Variants in TRAPPC9 observed in about 807,000 individuals in gnomAD.
The protein encoded by TRAPPC9 is trafficking protein particle complex subunit 9.
TRAPPC9 carries 83 observed loss-of-function variants against 124.0 expected under a neutral mutation model. The ratio of observed to expected loss-of-function variants is 0.67; its 90% CI spans 0.56 to 0.80. The LOEUF is 0.80. Ranked by LOEUF, TRAPPC9 falls within the 30% of genes least tolerant of loss-of-function variation. The probability of loss-of-function intolerance (pLI) is 0.00; values close to 1 mark genes in which losing one functional copy is unlikely to be tolerated. For missense variants in TRAPPC9, 1,302 were observed against 1,508.3 expected, an observed-to-expected ratio of 0.86 and a Z score of 2.27; for synonymous variants, 638 against 617.5, an observed-to-expected ratio of 1.03 and a Z score of -0.49.
intron 20 of TRAPPC9, among the ~76,000 whole-genome samples, chr8:139,902,996 G>A (rs1417894270): frequency 1.3e-5 from 2 of 152,202 alleles, no homozygotes; most frequent in Non-Finnish European, 2.9e-5. Flanking sequence ...CCACTGTGGA[G>A]CCTCTTCACT....
At chr8:139,891,827 C>T (rs1260519862) in intron 20 of TRAPPC9, among the ~76,000 whole-genome samples, 3 of 152,324 alleles carry the variant, frequency 2.0e-5, no homozygotes, top group East Asian at 3.9e-4. Context: ...GCAGCTTACA[C>T]GTGCTCAGCG....
intron 18 of TRAPPC9, among the ~76,000 whole-genome samples, chr8:140,023,367 C>T (rs1365354360): frequency 6.6e-6 from 1 of 152,214 alleles, no homozygotes; most frequent in Non-Finnish European, 1.5e-5. Flanking sequence ...CTCTGGGTTT[C>T]AAGTGTACAA....
intron 11 of TRAPPC9, among the ~76,000 whole-genome samples, chr8:140,296,635 G>C (rs2065811096): frequency 6.6e-6 from 1 of 152,220 alleles, no homozygotes; most frequent in African/African-American, 2.4e-5. Context: ...CAGTGGCACA[G>C]GGCCCTGTGC....
chr8:139,988,810 T>C lies in TRAPPC9; in HGVS notation c.2726A>G (p.Asp909Gly). The stretch of plus-strand genomic sequence containing the variant: ...CTCATGCTCGGTGGAGTTGAAGACA[T>C]CCAGGAGCAGGTGACACTGCCGGGT... ...TSTRQCHLLL[D>G]VFNSTEHELT... The change falls in exon 19 of 23, where the codon GAT becomes GGT. Residue 909 changes from aspartate (D) to glycine (G), a missense_variant. Physicochemically the swap from Asp to Gly is moderately conservative, Grantham distance 94. This residue lies in a region of TRAPPC9 where 640 missense variants were observed against 679.3 expected (regional missense o/e 0.94). Transcript: ENST00000438773. 11 of 1,551,302 alleles carry C rather than the reference T, an allele frequency of 7.1e-6. No homozygotes were observed. The highest frequency in any genetic ancestry group is 9.6e-6 in the Non-Finnish European group (11 of 1,146,844).
chr8:140,176,692 T>A (rs1007839191), intron 17 of TRAPPC9, among the ~76,000 whole-genome samples: 10 of 152,236 alleles, frequency 6.6e-5, no homozygotes, highest in Admixed American at 4.6e-4. Flanking sequence ...GAGGAATTGC[T>A]GGGTCATCAC....
rs35297460 is a variant in TRAPPC9 at position 139,737,466 on chromosome 8, TCCC to T, written c.3056-5267_3056-5265del. Among the ~76,000 whole-genome samples, 3 of 41,368 alleles carry T rather than the reference TCCC, an allele frequency of 7.3e-5. 1 individual carries two copies. The highest frequency in any genetic ancestry group is 1.0e-4 in the Non-Finnish European group (2 of 19,386). The allele number at this position is 41,368 out of a possible 152,430, so 27.1% of individuals were successfully genotyped here. A position where few individuals can be genotyped will look rare whatever the true frequency, so the allele number is the denominator to read the frequency against. ...GCCTTCAGGCGGGGGTCATCAGCCC[TCCC>T]CCCCCCCCCACGGAAAACCCTGAGT... On this transcript the variant is annotated intron_variant, in intron 21 of 22. Transcript: ENST00000438773.
Position 140,216,716 on chromosome 8 carries a change from G to T in TRAPPC9, c.2556+4743C>A, listed in dbSNP as rs1354585148. Among the ~76,000 whole-genome samples, 2 of 152,178 alleles carry T rather than the reference G, an allele frequency of 1.3e-5. No individual in the cohort carries two copies. The highest frequency in any genetic ancestry group is 2.9e-5 in the Non-Finnish European group (2 of 68,034). ...GGGGCCTCTGCACCTGCCAGCCGCA[G>T]GTTCGGGAATGCCCTCTCCACTCTG... On this transcript the variant is annotated intron_variant, in intron 17 of 22. Coordinates refer to ENST00000438773, the MANE Select transcript of TRAPPC9 (RefSeq NM_001160372.4). This position sits in a 1 kb window ranked among gnomAD's most constrained non-coding sequence, Gnocchi z 4.1.
At chr8:139,885,732 G>T in intron 21 of TRAPPC9, 147 bp downstream of exon 21, 1 of 771,828 alleles carries the variant, frequency 1.3e-6, no homozygotes, top group Non-Finnish European at 2.2e-6. Flanking sequence ...TGGTGAGCCC[G>T]TCTTTTTCCC....
intron 14 of TRAPPC9, among the ~76,000 whole-genome samples, chr8:140,279,463 A>T (rs1165811114): frequency 6.6e-6 from 1 of 152,248 alleles, no homozygotes; most frequent in African/African-American, 2.4e-5. Context: ...AAGTCACCTT[A>T]GAAAAATATA....
intron 20 of TRAPPC9, among the ~76,000 whole-genome samples, chr8:139,894,400 C>G (rs1830537959): frequency 6.6e-6 from 1 of 152,272 alleles, no homozygotes; most frequent in East Asian, 1.9e-4. Context: ...GAGGGGTCAG[C>G]TCTGCTGAGT....
At chr8:140,113,484 T>C (rs888017349) in intron 17 of TRAPPC9, among the ~76,000 whole-genome samples, 1 of 152,206 alleles carries the variant, frequency 6.6e-6, no homozygotes, top group African/African-American at 2.4e-5. Context: ...GTGATTTCTA[T>C]GTCAAGGATG....
At chr8:140,437,145 A>C (rs1179649156) in intron 3 of TRAPPC9, among the ~76,000 whole-genome samples, 1 of 117,450 alleles carries the variant, frequency 8.5e-6, no homozygotes, top group Non-Finnish European at 2.0e-5. Flanking sequence ...TTTTTATTTT[A>C]TTTTATTTTA....
Position 139,730,888 on chromosome 8 carries a change from C to G in TRAPPC9, c.*173G>C. On this transcript the variant is annotated 3_prime_UTR_variant, in exon 23 of 23. Transcript: ENST00000438773. Reference sequence around the variant, plus strand: ...GGTGGGGCTGCCATGTCCGGGGCTTCTGCGTAGCCCAGCAAAGATGCTACA... The same window carrying G: ...GGTGGGGCTGCCATGTCCGGGGCTTGTGCGTAGCCCAGCAAAGATGCTACA... 1 of 722,666 alleles carries G rather than the reference C, an allele frequency of 1.4e-6. No homozygotes were observed. Among genetic ancestry groups the G allele is most frequent in the Non-Finnish European group, 2.3e-6 (1 of 443,102 alleles). 44.8% of individuals were successfully genotyped at this position (722,666 alleles called of 1,614,324 possible).
At chr8:139,949,358 C>T (rs746148355) in intron 19 of TRAPPC9, among the ~76,000 whole-genome samples, 6 of 152,116 alleles carry the variant, frequency 3.9e-5, no homozygotes, top group Admixed American at 1.3e-4. Flanking sequence ...AAACATTAAA[C>T]GTGGCGTTAC....
intron 14 of TRAPPC9, among the ~76,000 whole-genome samples, chr8:140,280,302 C>T (rs890238537): frequency 5.9e-5 from 9 of 152,226 alleles, no homozygotes; most frequent in African/African-American, 2.2e-4. Flanking sequence ...AACACTGAAG[C>T]CTTGCCAAAA....
intron 17 of TRAPPC9, among the ~76,000 whole-genome samples, chr8:140,142,520 A>G (rs552787992): frequency 1.3e-5 from 2 of 152,366 alleles, no homozygotes; most frequent in South Asian, 4.1e-4. Flanking sequence ...GTGGCCTCAC[A>G]TTGGAGACAA....
At chr8:139,943,237 T>C (rs1834019239) in intron 19 of TRAPPC9, among the ~76,000 whole-genome samples, 1 of 152,126 alleles carries the variant, frequency 6.6e-6, no homozygotes. Flanking sequence ...CAGCTAATTT[T>C]TGTGTTTTTA....
At chr8:139,972,292 T>C (rs1836153125) in intron 19 of TRAPPC9, among the ~76,000 whole-genome samples, 1 of 152,140 alleles carries the variant, frequency 6.6e-6, no homozygotes, top group South Asian at 2.1e-4. Flanking sequence ...GGCCCAACTC[T>C]GAGGAGGGGT....
chr8:140,269,114 G>A (rs148316988), intron 15 of TRAPPC9, among the ~76,000 whole-genome samples: 112 of 145,302 alleles, frequency 7.7e-4, no homozygotes, highest in Non-Finnish European at 1.5e-3. Flanking sequence ...AATGGTACAC[G>A]AGATTTGCAC....
Sources: allele counts gnomAD v4.1 joint callset (sites outside exome capture counted in the v4.1 genomes callset), GRCh38; gene constraint gnomAD v4.1.1; regional missense constraint gnomAD v4.1.1; non-coding constraint Gnocchi (gnomAD v3.1); transcripts MANE v1.5; gene names NCBI Gene and HGNC (gene_info 2026-07-23, HGNC 2026-07-21).